The following GPR35 variants were observed in gnomAD, a reference collection of about 807,000 sequenced individuals.
GPR35 encodes G protein-coupled receptor 35.
For missense variants in GPR35, 372 were observed against 422.5 expected (o/e 0.88, Z 1.05); for synonymous variants, 207 against 198.4 (o/e 1.04, Z -0.36).
chr2:240,615,306 G>C (rs1331353091), intron 2 of GPR35, among the ~76,000 whole-genome samples: 1 of 152,160 alleles, frequency 6.6e-6, no homozygotes, highest in Admixed American at 6.5e-5. Flanking sequence ...GTAGACCCGT[G>C]AGTCCCTTCT....
chr2:240,625,996 G>T (rs1419484729), intron 1 of GPR35, among the ~76,000 whole-genome samples: 37 of 58,214 alleles, frequency 6.4e-4, no homozygotes, highest in Admixed American at 1.4e-3. Context: ...GCAGGGTGAG[G>T]CTGTGATGGG....
intron 2 of GPR35, among the ~76,000 whole-genome samples, chr2:240,616,158 C>T (rs1371327056): frequency 6.6e-6 from 1 of 152,034 alleles, no homozygotes; most frequent in Non-Finnish European, 1.5e-5. Flanking sequence ...ATCCAGGGGG[C>T]AAAAATGGGA....
chr2:240,607,123 G>A (rs2043142567), intron 2 of GPR35: 1 of 151,918 alleles, frequency 6.6e-6, no homozygotes, highest in Non-Finnish European at 1.5e-5. Context: ...GAGGAGGACT[G>A]ACATATTTCA....
intron 5 of GPR35, among the ~76,000 whole-genome samples, chr2:240,619,723 T>C (rs2043272066): frequency 6.6e-6 from 1 of 152,166 alleles, no homozygotes; most frequent in Non-Finnish European, 1.5e-5. Context: ...CAAGAGTTAC[T>C]CCTCCCTCCC....
intron 2 of GPR35, among the ~76,000 whole-genome samples, chr2:240,615,333 C>A (rs74357556): frequency 0.035 from 5,370 of 152,256 alleles, 321 homozygotes; most frequent in East Asian, 0.2. Flanking sequence ...GTTTCCCCTG[C>A]CTGTGATGCT....
chr2:240,625,169 G>A (rs1367372699), upstream of GPR35: 8 of 686,380 alleles, frequency 1.2e-5, no homozygotes, highest in Non-Finnish European at 1.8e-6. Context: ...GGCAGAAGTG[G>A]GCTGGGGAGG....
In GPR35 at chr2:240,632,461, A is replaced by G. The variant is rs2043460604; in HGVS notation, c.*1579A>G. ...GGAAGATCCATTACCAGAAGGGCCCATGTCAAGGAGCGTTCATGCCCAGGA... is the reference window on the plus strand; with the variant it reads ...GGAAGATCCATTACCAGAAGGGCCCGTGTCAAGGAGCGTTCATGCCCAGGA... On this transcript the variant is annotated 3_prime_UTR_variant, in exon 2 of 2. Transcript: ENST00000407714. Among the ~76,000 whole-genome samples, 2 of 147,554 alleles carry G rather than the reference A, an allele frequency of 1.4e-5. No homozygotes were observed. Among genetic ancestry groups the G allele is most frequent in the Non-Finnish European group, 3.0e-5 (2 of 67,162 alleles).
rs141518526 is a variant in GPR35 at position 240,631,758 on chromosome 2, C to T, written c.*876C>T. Among the ~76,000 whole-genome samples the T allele has an allele frequency of 2.6e-5, 4 of 152,190 alleles. No homozygotes were observed. The highest frequency in any genetic ancestry group is 4.4e-5 in the Non-Finnish European group (3 of 68,024). ...CTGTACTCCTGCATGGAGGGCATCT[C>T]GAAACCCAAGCTGGAAGGACAGGGC... On this transcript the variant is annotated 3_prime_UTR_variant, in exon 2 of 2. Coordinates refer to ENST00000407714, the MANE Select transcript of GPR35 (RefSeq NM_005301.5).
chr2:240,612,802 G>T (rs1011828059), intron 2 of GPR35, among the ~76,000 whole-genome samples: 9 of 152,244 alleles, frequency 5.9e-5, no homozygotes, highest in Admixed American at 5.2e-4. Context: ...GGGCAGGTCT[G>T]GGGAGGTCAG....
At chr2:240,616,358 T>C in intron 2 of GPR35, 1 of 746,258 alleles carries the variant, frequency 1.3e-6, no homozygotes, top group Non-Finnish European at 2.5e-6. Context: ...GTTGGCAGCT[T>C]CCTCCTCCGT....
chr2:240,630,584 C>T lies in GPR35; in HGVS notation c.632C>T (p.Ala211Val), dbSNP rs778659810. 6.2e-7 allele frequency: 1 copy of T among 1,612,816 alleles called. No individual in the cohort carries two copies. The highest frequency in any genetic ancestry group is 8.5e-7 in the Non-Finnish European group (1 of 1,179,926). ...CCCACCGACGTGGGGCAGGCAGAGGCCACCCGCAAGGCTGCCCGCATGGTC... is the reference window on the plus strand; with the variant it reads ...CCCACCGACGTGGGGCAGGCAGAGGTCACCCGCAAGGCTGCCCGCATGGTC... ...RPPTDVGQAE[A>V]TRKAARMVWA... Residue 211 changes from alanine (A) to valine (V), a missense_variant, in exon 2 of 2, where the codon GCC becomes GTC. By Grantham distance (64) the Ala-to-Val change is moderately conservative. Transcript: ENST00000407714.
upstream of GPR35, among the ~76,000 whole-genome samples, chr2:240,621,395 C>T (rs774558600): frequency 2.6e-5 from 4 of 152,258 alleles, no homozygotes; most frequent in Non-Finnish European, 4.4e-5. Flanking sequence ...GCTGGGACTA[C>T]AGGCACGCGC....
At chr2:240,620,357 G>A (rs1310960586) in intron 5 of GPR35, among the ~76,000 whole-genome samples, 2 of 152,168 alleles carry the variant, frequency 1.3e-5, no homozygotes, top group Non-Finnish European at 1.5e-5. Flanking sequence ...GGGTGAAGGT[G>A]GGGCAGGAGT....
chr2:240,606,211 G>A (rs946046968), intron 1 of GPR35, among the ~76,000 whole-genome samples: 5 of 152,180 alleles, frequency 3.3e-5, no homozygotes, highest in Non-Finnish European at 5.9e-5. Context: ...AGGTTTAGTC[G>A]GGCATATGCA....
At chr2:240,621,646 C>T (rs929374287), upstream of GPR35, among the ~76,000 whole-genome samples, 2 of 152,054 alleles carry the variant, frequency 1.3e-5, no homozygotes, top group Admixed American at 1.3e-4. Context: ...AAAGGAGTCT[C>T]GATTCAGACC....
chr2:240,630,950 C>G lies in GPR35; in HGVS notation c.*68C>G. 2 of 1,367,926 alleles carry G rather than the reference C, an allele frequency of 1.5e-6. No individual in the cohort carries two copies. Among genetic ancestry groups the G allele is most frequent in the Admixed American group, 3.8e-5 (2 of 52,528 alleles). 84.7% of individuals were successfully genotyped at this position (1,367,926 alleles called of 1,614,324 possible). A position where few individuals can be genotyped will look rare whatever the true frequency, so the allele number is the denominator to read the frequency against. ...GGGAGGTGCTGCCTGCCAGGGGAAG[C>G]TGGAACCAGTAGCAAGGAGCCCGAG... is the stretch of plus-strand genomic sequence containing the variant. On this transcript the variant is annotated 3_prime_UTR_variant, in exon 2 of 2. Transcript: ENST00000407714.
At chr2:240,610,297 C>A (rs1296846718) in intron 2 of GPR35, among the ~76,000 whole-genome samples, 1 of 152,148 alleles carries the variant, frequency 6.6e-6, no homozygotes, top group Non-Finnish European at 1.5e-5. Flanking sequence ...ATTCCCTATA[C>A]TAAAGTCTAC....
intron 1 of GPR35, chr2:240,629,713 T>C: frequency 2.2e-6 from 1 of 457,598 alleles, no homozygotes; most frequent in Non-Finnish European, 3.9e-6. Context: ...AGCAGGCAGA[T>C]CCCAGGAGAG....
intron 2 of GPR35, among the ~76,000 whole-genome samples, chr2:240,612,207 G>A (rs2043188145): frequency 6.6e-6 from 1 of 151,434 alleles, no homozygotes; most frequent in African/African-American, 2.4e-5. Flanking sequence ...GAGGCGGGCG[G>A]ATCATGAGGT....
Sources: allele counts gnomAD v4.1 joint callset (sites outside exome capture counted in the v4.1 genomes callset), GRCh38; gene constraint gnomAD v4.1.1; transcripts MANE v1.5; gene names NCBI Gene and HGNC (gene_info 2026-07-23, HGNC 2026-07-21).